The following ARHGAP42 variants were observed in gnomAD, a reference collection of about 807,000 sequenced individuals.
ARHGAP42 encodes the protein rho GTPase-activating protein 42.
In ARHGAP42, 63 loss-of-function variants were observed where a neutral mutation model predicts 125.0. The ratio of observed to expected loss-of-function variants is 0.50; its 90% CI spans 0.41 to 0.62. ARHGAP42 has a LOEUF of 0.62. Among genes scored for constraint, ARHGAP42 ranks in the 20% least tolerant of loss-of-function variants. ARHGAP42 has a pLI of 0.00. For missense variants in ARHGAP42, 766 were observed against 1,024.2 expected (o/e 0.75, Z 3.44); for synonymous variants, 339 against 351.0 (o/e 0.97, Z 0.38).
In ARHGAP42 at chr11:100,741,076, G is replaced by A. The variant is rs1056959390; in HGVS notation, c.155-29267G>A. On this transcript the variant is annotated intron_variant, in intron 1 of 23. Transcript: ENST00000298815. ...GATGAAATCTCACGCTGTCTCCAAGGCTGGAGTGCAGTGGCAAGATCTCAG... is the reference window on the plus strand; with the variant it reads ...GATGAAATCTCACGCTGTCTCCAAGACTGGAGTGCAGTGGCAAGATCTCAG... Among the ~76,000 whole-genome samples, 3 of 152,074 alleles carry A rather than the reference G, an allele frequency of 2.0e-5. No individual in the cohort carries two copies. The South Asian group carries it at 6.2e-4, about 32-fold the overall frequency.
At chr11:100,719,827 TAG>T (rs1169056555) in intron 1 of ARHGAP42, among the ~76,000 whole-genome samples, 2 of 152,198 alleles carry the variant, frequency 1.3e-5, no homozygotes, top group Non-Finnish European at 2.9e-5. Flanking sequence ...CACACATTCA[TAG>T]AGAAGTGTGC....
chr11:100,858,932 A>G (rs1865384124), intron 3 of ARHGAP42, among the ~76,000 whole-genome samples: 2 of 152,098 alleles, frequency 1.3e-5, no homozygotes, highest in South Asian at 2.1e-4. Context: ...AGTCTTACAG[A>G]TCAATATTAA....
At chr11:100,868,715 A>G (rs939793250) in intron 4 of ARHGAP42, among the ~76,000 whole-genome samples, 3 of 152,168 alleles carry the variant, frequency 2.0e-5, no homozygotes, top group African/African-American at 7.2e-5. Flanking sequence ...AGCAAGTTCT[A>G]TATTGTTATC....
At chr11:100,963,171 A>G (rs1858004001) in intron 16 of ARHGAP42, among the ~76,000 whole-genome samples, 1 of 152,224 alleles carries the variant, frequency 6.6e-6, no homozygotes, top group African/African-American at 2.4e-5. Context: ...AGATGAGTCA[A>G]ATATTTTTGG....
intron 4 of ARHGAP42, among the ~76,000 whole-genome samples, chr11:100,873,419 A>G (rs562196048): frequency 3.3e-5 from 5 of 152,310 alleles, no homozygotes; most frequent in Non-Finnish European, 7.4e-5. Context: ...TGCTGATTCT[A>G]ACCCATGAAA....
chr11:100,786,598 G>T (rs564544267), intron 2 of ARHGAP42, among the ~76,000 whole-genome samples: 1 of 152,154 alleles, frequency 6.6e-6, no homozygotes, highest in Non-Finnish European at 1.5e-5. Context: ...GGCAGCTGCA[G>T]AGTAGGTATT....
intron 12 of ARHGAP42, among the ~76,000 whole-genome samples, chr11:100,953,387 T>G (rs1312159523): frequency 6.6e-6 from 1 of 152,214 alleles, no homozygotes; most frequent in Non-Finnish European, 1.5e-5. Context: ...CAATGAAGTT[T>G]AGGATGGTAA....
intron 1 of ARHGAP42, among the ~76,000 whole-genome samples, chr11:100,708,361 A>T (rs1468702544): frequency 6.6e-6 from 1 of 152,082 alleles, no homozygotes; most frequent in Non-Finnish European, 1.5e-5. Context: ...AAAATATAAT[A>T]AATTAGTTGT....
intron 3 of ARHGAP42, among the ~76,000 whole-genome samples, chr11:100,840,822 G>T (rs963462399): frequency 2.0e-5 from 3 of 152,086 alleles, no homozygotes; most frequent in African/African-American, 7.2e-5. Context: ...TTGTTGATAG[G>T]TTATCATCGA....
chr11:100,787,256 G>C (rs1310446626), intron 2 of ARHGAP42, among the ~76,000 whole-genome samples: 3 of 150,856 alleles, frequency 2.0e-5, no homozygotes, highest in Non-Finnish European at 4.4e-5. Flanking sequence ...CCAGCCTGGG[G>C]AACAGAGTGA....
intron 6 of ARHGAP42, among the ~76,000 whole-genome samples, chr11:100,927,162 T>G (rs997031757): frequency 6.6e-6 from 1 of 152,140 alleles, no homozygotes; most frequent in Non-Finnish European, 1.5e-5. Flanking sequence ...CTTTTCAGAG[T>G]CTCTAAATTT....
rs75998730 is a variant in ARHGAP42, at chr11:100,775,052, A to G, written c.250+4614A>G. Among the ~76,000 whole-genome samples, 809 of 152,122 alleles carry G rather than the reference A, an allele frequency of 5.3e-3. 8 individuals carry two copies. The highest frequency in any genetic ancestry group is 0.019 in the African/African-American group (785 of 41,506). On this transcript the variant is annotated intron_variant, in intron 2 of 23. Coordinates refer to ENST00000298815, the MANE Select transcript of ARHGAP42 (RefSeq NM_152432.4). ...TTTTTAGCACCTCCCTTTTCATTGA[A>G]GAGCATCAAGAGGCCATTGCCCTCC... is the stretch of plus-strand genomic sequence containing the variant.
intron 1 of ARHGAP42, among the ~76,000 whole-genome samples, chr11:100,737,632 T>C (rs1029848650): frequency 1.3e-5 from 2 of 152,236 alleles, no homozygotes; most frequent in Non-Finnish European, 2.9e-5. Context: ...TGGTTCATCT[T>C]GGCCTTGCTC....
chr11:100,958,668 T>C (rs532713858), intron 12 of ARHGAP42, among the ~76,000 whole-genome samples: 1 of 152,108 alleles, frequency 6.6e-6, no homozygotes, highest in South Asian at 2.1e-4. Context: ...TTGTGGAGTT[T>C]TTTCTTAGGA....
intron 1 of ARHGAP42, among the ~76,000 whole-genome samples, chr11:100,729,021 G>T (rs993177991): frequency 4.6e-5 from 7 of 151,598 alleles, no homozygotes; most frequent in Non-Finnish European, 7.4e-5. Context: ...TGCCCACCTC[G>T]GCCTTCCAAA....
chr11:100,953,142 T>C (rs775402526), intron 12 of ARHGAP42, among the ~76,000 whole-genome samples: 1 of 152,152 alleles, frequency 6.6e-6, no homozygotes, highest in Non-Finnish European at 1.5e-5. Flanking sequence ...CTTGTATTTC[T>C]TTTTAGTTGA....
intron 1 of ARHGAP42, among the ~76,000 whole-genome samples, chr11:100,696,358 A>G (rs1861284301): frequency 6.6e-6 from 1 of 151,430 alleles, no homozygotes; most frequent in South Asian, 2.1e-4. Flanking sequence ...TATTTTATCT[A>G]TTTATTTTTT....
chr11:100,794,032 C>G (rs892462803), intron 2 of ARHGAP42, among the ~76,000 whole-genome samples: 1 of 122,066 alleles, frequency 8.2e-6, no homozygotes, highest in African/African-American at 3.0e-5. Flanking sequence ...GCAGTGATTT[C>G]ACCACTGCTC....
Position 100,936,243 on chromosome 11 carries a change from G to A in ARHGAP42, c.743G>A (p.Arg248Gln), listed in dbSNP as rs749610645. Residue 248 changes from arginine to glutamine, a missense_variant, in exon 8 of 24, where the codon CGG becomes CAG. By Grantham distance (43) the Arg-to-Gln change is conservative. Around this residue, in one of 3 missense-constraint regions of ARHGAP42, gnomAD observed 455 missense variants for 636.5 expected, o/e 0.71. Transcript: ENST00000298815. ...NFESTRQEVERLMQRMKSANQ... is the reference protein window; with the variant it reads ...NFESTRQEVEQLMQRMKSANQ... The stretch of plus-strand genomic sequence containing the variant: ...GAAAGTACTCGACAAGAGGTAGAGC[G>A]GTTGATGCAAAGGATGAAATCTGCT... The A allele has an allele frequency of 3.2e-6, 5 of 1,551,744 alleles. No homozygotes were observed. Among genetic ancestry groups the A allele is most frequent in the South Asian group, 2.4e-5 (2 of 84,068 alleles).
Sources: gnomAD v4.1 joint callset for allele counts (sites outside exome capture counted in the v4.1 genomes callset) on GRCh38, gnomAD v4.1.1 for gene constraint, gnomAD v4.1.1 regional missense constraint, MANE v1.5 for transcripts, NCBI Gene and HGNC (gene_info 2026-07-23, HGNC 2026-07-21) for gene names.